The following MEF2C variants were observed in gnomAD, a reference collection of about 807,000 sequenced individuals.
The protein encoded by MEF2C is myocyte enhancer factor 2C, also known as myocyte-specific enhancer factor 2C.
In MEF2C, 6 loss-of-function variants were observed where a neutral mutation model predicts 50.5. The observed-to-expected ratio is 0.12, with a 90% CI of 0.07 to 0.23. The LOEUF is 0.23. MEF2C is among the 10% of genes least tolerant of loss of function. MEF2C has a pLI of 1.00. For synonymous variants in MEF2C, 183 were observed against 228.0 expected, an observed-to-expected ratio of 0.80 and a Z score of 1.78; for missense variants, 276 against 605.0, an observed-to-expected ratio of 0.46 and a Z score of 5.70.
At chr5:88,738,084 A>G (rs1419245253) in intron 6 of MEF2C, 1 of 985,190 alleles carries the variant, frequency 1.0e-6, no homozygotes, top group East Asian at 1.1e-4. Flanking sequence ...GGAGTTGGGG[A>G]CAAAAAAAAG....
intron 3 of MEF2C, among the ~76,000 whole-genome samples, chr5:88,779,175 T>C (rs1561978313): frequency 6.6e-6 from 1 of 152,228 alleles, no homozygotes; most frequent in South Asian, 2.1e-4. Context: ...ATTAACCACC[T>C]AATAGTTTTA....
At chr5:88,772,847 G>A in intron 3 of MEF2C, 2 of 985,412 alleles carry the variant, frequency 2.0e-6, no homozygotes, top group Non-Finnish European at 2.4e-6. Flanking sequence ...GTCTCTTATA[G>A]TCTATCTCCC....
At chr5:88,723,995 T>C (rs1404221466) in intron 10 of MEF2C, among the ~76,000 whole-genome samples, 1 of 152,280 alleles carries the variant, frequency 6.6e-6, no homozygotes, top group Non-Finnish European at 1.5e-5. Context: ...CATAGTGGCA[T>C]TGCTCGCATC....
At chr5:88,736,596 G>T (rs557275704) in intron 6 of MEF2C, 1 of 971,342 alleles carries the variant, frequency 1.0e-6, no homozygotes, top group South Asian at 4.8e-5. Flanking sequence ...GCCTTAAGAG[G>T]AGTTTCAGGC....
intron 3 of MEF2C, among the ~76,000 whole-genome samples, chr5:88,801,019 C>CA (rs1798104615): frequency 6.6e-6 from 1 of 152,156 alleles, no homozygotes; most frequent in Non-Finnish European, 1.5e-5. Flanking sequence ...TTACGCAGAG[C>CA]TTTTTTGCTA....
At chr5:88,769,190 C>G (rs548367907) in intron 3 of MEF2C, among the ~76,000 whole-genome samples, 1 of 152,306 alleles carries the variant, frequency 6.6e-6, no homozygotes, top group East Asian at 1.9e-4. Context: ...GAGTCAGATA[C>G]TATAAATCTG....
Position 88,734,526 on chromosome 5 carries a change from G to A in MEF2C, c.638-2625C>T, listed in dbSNP as rs568772914. 7.2e-5 allele frequency: 70 copies of A among 977,918 alleles called. No homozygotes were observed. The African/African-American group carries it at 9.4e-4, about 13-fold the overall frequency. 60.6% of individuals were successfully genotyped at this position (977,918 alleles called of 1,614,324 possible). Reference sequence around the variant, plus strand: ...TATGACAAGCACTGGGCCAGTGTGCGAAAATGGAAATGCTTCACGGAGGCC... The same window carrying A: ...TATGACAAGCACTGGGCCAGTGTGCAAAAATGGAAATGCTTCACGGAGGCC... On this transcript the variant is annotated intron_variant, in intron 6 of 10. Coordinates refer to ENST00000504921, the MANE Select transcript of MEF2C (RefSeq NM_002397.5).
intron 1 of MEF2C, among the ~76,000 whole-genome samples, chr5:88,860,351 T>C (rs1282838281): frequency 6.6e-6 from 1 of 151,678 alleles, no homozygotes; most frequent in Non-Finnish European, 1.5e-5. Flanking sequence ...GTAAGGTAGG[T>C]TTTTGGCAAC....
intron 1 of MEF2C, among the ~76,000 whole-genome samples, chr5:88,859,471 C>G (rs904204095): frequency 8.5e-5 from 13 of 152,162 alleles, no homozygotes; most frequent in Admixed American, 7.9e-4. Flanking sequence ...GTAGAACCAG[C>G]ATGCAAGGAA....
chr5:88,899,302 TACTTATAGC>T (rs1211263645), intron 1 of MEF2C, among the ~76,000 whole-genome samples: 1 of 152,162 alleles, frequency 6.6e-6, no homozygotes, highest in Non-Finnish European at 1.5e-5. Context: ...CATGGTGGGC[TACTTATAGC>T]AATAGGGATA....
At chr5:88,836,597 G>A (rs1815181773) in intron 1 of MEF2C, among the ~76,000 whole-genome samples, 1 of 152,170 alleles carries the variant, frequency 6.6e-6, no homozygotes, top group African/African-American at 2.4e-5. Flanking sequence ...TCCAGGCAGG[G>A]CAAGGACAGG....
At chr5:88,782,304 A>G (rs1051265651) in intron 3 of MEF2C, 2 of 334,164 alleles carry the variant, frequency 6.0e-6, no homozygotes, top group Admixed American at 1.3e-4. Context: ...TGTCTCTACA[A>G]AAAATACAAA....
chr5:88,903,713 TAAACCTAAAAAAA>T (rs1003210645), intron 1 of MEF2C, among the ~76,000 whole-genome samples: 28 of 152,100 alleles, frequency 1.8e-4, no homozygotes, highest in East Asian at 1.2e-3. Context: ...AATCTTGTTT[TAAACCTAAAAAAA>T]AAACCTAAAA....
At chr5:88,787,721 ATGGAGTC>A (rs1791654508) in intron 3 of MEF2C, among the ~76,000 whole-genome samples, 1 of 152,230 alleles carries the variant, frequency 6.6e-6, no homozygotes, top group Middle Eastern at 3.2e-3. Context: ...AAAACCAATC[ATGGAGTC>A]TGGATGAAGA....
intron 3 of MEF2C, among the ~76,000 whole-genome samples, chr5:88,776,880 G>GT (rs996036372): frequency 6.6e-6 from 1 of 152,172 alleles, no homozygotes; most frequent in African/African-American, 2.4e-5. Context: ...CTCGGCACCT[G>GT]TTGTCTAACT....
intron 1 of MEF2C, among the ~76,000 whole-genome samples, chr5:88,858,489 C>T (rs1322456512): frequency 6.6e-6 from 1 of 152,148 alleles, no homozygotes; most frequent in African/African-American, 2.4e-5. Context: ...TTAAAGCCCA[C>T]CTGGGATGTC....
At chr5:88,812,307 T>C (rs969859141) in intron 2 of MEF2C, among the ~76,000 whole-genome samples, 5 of 152,162 alleles carry the variant, frequency 3.3e-5, no homozygotes, top group Non-Finnish European at 7.3e-5. Context: ...TGAATAGATA[T>C]ATGGACAGAG....
chr5:88,772,721 C>A (rs1021400922), intron 3 of MEF2C: 1 of 985,078 alleles, frequency 1.0e-6, no homozygotes, highest in African/African-American at 1.7e-5. Flanking sequence ...TGATTTCTCC[C>A]TCTTCCTAAT....
chr5:88,788,174 GTTTGTTTATTTATTTA>G (rs1297063046), intron 3 of MEF2C, among the ~76,000 whole-genome samples: 3 of 115,778 alleles, frequency 2.6e-5, no homozygotes, highest in East Asian at 4.9e-4. Flanking sequence ...CAGTTTGTTT[GTTTGTTTATTTATTTA>G]TTTATTTATT....
Sources: gnomAD v4.1 joint callset for allele counts (sites outside exome capture counted in the v4.1 genomes callset) on GRCh38, gnomAD v4.1.1 for gene constraint, MANE v1.5 for transcripts, NCBI Gene and HGNC (gene_info 2026-07-23, HGNC 2026-07-21) for gene names.